The following DLGAP1 variants were observed in gnomAD, a reference collection of about 807,000 sequenced individuals.
DLGAP1 encodes disks large-associated protein 1.
In DLGAP1, 11 loss-of-function variants were observed where a neutral mutation model predicts 90.8. That is an observed-to-expected ratio of 0.12 (90% CI 0.08 to 0.20). The LOEUF (loss-of-function observed/expected upper bound fraction) is 0.20. Among genes scored for constraint, DLGAP1 ranks in the 10% least tolerant of loss-of-function variants. The pLI, the probability that DLGAP1 is intolerant of heterozygous loss-of-function variation, is 1.00. For synonymous variants in DLGAP1, 558 were observed against 540.7 expected (o/e 1.03, Z -0.44); for missense variants, 1,050 against 1,333.8 (o/e 0.79, Z 3.31).
At chr18:4,343,163 C>T (rs532510177) in intron 1 of DLGAP1, among the ~76,000 whole-genome samples, 5 of 151,812 alleles carry the variant, frequency 3.3e-5, no homozygotes, top group East Asian at 1.9e-4. Flanking sequence ...AAAAATTAGC[C>T]GGGCGTGGTG....
chr18:3,772,990 G>C (rs2064763976), intron 5 of DLGAP1, among the ~76,000 whole-genome samples: 2 of 152,190 alleles, frequency 1.3e-5, no homozygotes, highest in Non-Finnish European at 2.9e-5. Context: ...TAACTTGGCA[G>C]AGCCCATTTA....
intron 1 of DLGAP1, among the ~76,000 whole-genome samples, chr18:4,229,233 C>T (rs2078250982): frequency 6.6e-6 from 1 of 151,812 alleles, no homozygotes. Context: ...AGAATAAATA[C>T]TCAAAATGTC....
At chr18:4,288,285 T>G (rs984995761) in intron 1 of DLGAP1, among the ~76,000 whole-genome samples, 5 of 152,134 alleles carry the variant, frequency 3.3e-5, no homozygotes, top group Non-Finnish European at 7.4e-5. Flanking sequence ...TCTAAGGATA[T>G]GGGAGGCATA....
At chr18:4,201,958 G>T (rs2077616085) in intron 1 of DLGAP1, among the ~76,000 whole-genome samples, 1 of 152,078 alleles carries the variant, frequency 6.6e-6, no homozygotes, top group Non-Finnish European at 1.5e-5. Context: ...ATTTGATCCA[G>T]CAACTCCACT....
intron 7 of DLGAP1, among the ~76,000 whole-genome samples, chr18:3,615,590 G>C (rs556609950): frequency 6.6e-6 from 1 of 152,292 alleles, no homozygotes; most frequent in South Asian, 2.1e-4. Context: ...TAGGAAAATG[G>C]AGCCGATGGA....
At chr18:4,263,334 G>T (rs2145280520) in intron 1 of DLGAP1, among the ~76,000 whole-genome samples, 1 of 152,190 alleles carries the variant, frequency 6.6e-6, no homozygotes, top group Middle Eastern at 3.4e-3. Flanking sequence ...AACAGAGTAG[G>T]TATCTTTCCG....
chr18:4,094,837 A>T (rs547706721), intron 2 of DLGAP1, among the ~76,000 whole-genome samples: 1 of 152,052 alleles, frequency 6.6e-6, no homozygotes, highest in Non-Finnish European at 1.5e-5. Flanking sequence ...ACCTCAGGTG[A>T]TCCACCCACC....
Position 4,205,482 on chromosome 18 carries a change from T to C in DLGAP1, c.-266-54195A>G, listed in dbSNP as rs114786392. On this transcript the variant is annotated intron_variant, in intron 1 of 12. Transcript: ENST00000315677. ...ATAGCCACTATCTACCTGTGGCCAT[T>C]TACATTTCTTTCTTTCCTTTCTCTT... Among the ~76,000 whole-genome samples the C allele has an allele frequency of 1.4e-3, 206 of 152,294 alleles. 1 individual carries two copies. Among genetic ancestry groups the C allele is most frequent in the African/African-American group, 4.9e-3 (202 of 41,572 alleles).
intron 7 of DLGAP1, among the ~76,000 whole-genome samples, chr18:3,656,726 T>G (rs968026817): frequency 6.6e-6 from 1 of 151,870 alleles, no homozygotes; most frequent in African/African-American, 2.4e-5. Flanking sequence ...TTTATGCACC[T>G]TTGCAGTGAA....
intron 7 of DLGAP1, among the ~76,000 whole-genome samples, chr18:3,670,585 AT>A (rs1331751264): frequency 1.3e-5 from 2 of 150,604 alleles, no homozygotes; most frequent in Non-Finnish European, 1.5e-5. Flanking sequence ...TTGGCAAAGG[AT>A]TTGGAAGAAT....
intron 2 of DLGAP1, among the ~76,000 whole-genome samples, chr18:4,101,959 T>C (rs1213628078): frequency 6.6e-6 from 1 of 152,114 alleles, no homozygotes; most frequent in East Asian, 1.9e-4. Flanking sequence ...TATAGATATA[T>C]AAAACATTAA....
chr18:3,992,084 T>A (rs976796567), intron 3 of DLGAP1, among the ~76,000 whole-genome samples: 6 of 152,214 alleles, frequency 3.9e-5, no homozygotes, highest in Non-Finnish European at 7.3e-5. Context: ...AAAAATGCTG[T>A]TACTCTTTGT....
At chr18:4,244,944 AAG>A (rs2078623068) in intron 1 of DLGAP1, among the ~76,000 whole-genome samples, 1 of 152,198 alleles carries the variant, frequency 6.6e-6, no homozygotes, top group Admixed American at 6.5e-5. Context: ...ACATTTTCTG[AAG>A]AGTTTGTAAG....
intron 2 of DLGAP1, among the ~76,000 whole-genome samples, chr18:4,057,725 A>C (rs1203881832): frequency 6.6e-6 from 1 of 152,104 alleles, no homozygotes; most frequent in African/African-American, 2.4e-5. Flanking sequence ...TATTCGGAGG[A>C]GGCAAGAATC....
At chr18:3,809,253 C>A (rs529761692) in intron 5 of DLGAP1, among the ~76,000 whole-genome samples, 57 of 152,074 alleles carry the variant, frequency 3.7e-4, no homozygotes, top group African/African-American at 1.4e-3. Context: ...TAGGGAGAGC[C>A]GCCCAAGTGG....
chr18:3,797,350 C>T (rs1010204880), intron 5 of DLGAP1, among the ~76,000 whole-genome samples: 5 of 151,160 alleles, frequency 3.3e-5, no homozygotes, highest in Non-Finnish European at 5.9e-5. Flanking sequence ...AGAAGAAGAA[C>T]ACTCAAGAGC....
At chr18:4,386,971 T>C (rs1340584598) in intron 1 of DLGAP1, among the ~76,000 whole-genome samples, 1 of 152,184 alleles carries the variant, frequency 6.6e-6, no homozygotes, top group African/African-American at 2.4e-5. Flanking sequence ...CTCTATAATA[T>C]TCTGAGATAA....
rs536935424 is a variant in DLGAP1 at position 3,568,194 on chromosome 18, C to T, written c.1966-613G>A. 2.0e-5 allele frequency among the ~76,000 whole-genome samples: 3 copies of T among 152,050 alleles called. No homozygotes were observed. The South Asian group carries it at 6.2e-4, about 32-fold the overall frequency. ...GATTACAGGCGTGAGCCACCACGCC[C>T]GGCCTGGAAGTTTTGAATTTGAAGA... On this transcript the variant is annotated intron_variant, in intron 8 of 12. Transcript: ENST00000315677.
chr18:3,842,122 G>T (rs1387761917), intron 4 of DLGAP1, among the ~76,000 whole-genome samples: 2 of 149,560 alleles, frequency 1.3e-5, no homozygotes. Context: ...GGGGTGGGGG[G>T]TGAGGGGTGG....
Sources: gnomAD v4.1 joint callset for allele counts (sites outside exome capture counted in the v4.1 genomes callset) on GRCh38, gnomAD v4.1.1 for gene constraint, MANE v1.5 for transcripts, NCBI Gene and HGNC (gene_info 2026-07-23, HGNC 2026-07-21) for gene names.